Variants in IL23R observed in about 807,000 individuals in gnomAD.
The protein encoded by IL23R is interleukin 23 receptor.
Under a neutral mutation model 56.9 loss-of-function variants are expected in IL23R, and 34 were observed. The ratio of observed to expected loss-of-function variants is 0.60; its 90% confidence interval spans 0.45 to 0.80. The LOEUF (loss-of-function observed/expected upper bound fraction) is 0.80. Ranked by LOEUF, IL23R falls within the 30% of genes least tolerant of loss-of-function variation. The pLI is 0.00. For synonymous variants in IL23R, 230 were observed against 249.2 expected (o/e 0.92, Z 0.73); for missense variants, 635 against 730.0 (o/e 0.87, Z 1.50).
chr1:67,173,959 T>C (rs1335032031), intron 3 of IL23R, among the ~76,000 whole-genome samples: 5 of 152,182 alleles, frequency 3.3e-5, no homozygotes, highest in Non-Finnish European at 5.9e-5. Context: ...CTTCACTACA[T>C]ATACTTTTAA....
At chr1:67,185,565 C>A (rs1647278963) in intron 4 of IL23R, among the ~76,000 whole-genome samples, 2 of 152,118 alleles carry the variant, frequency 1.3e-5, no homozygotes, top group South Asian at 4.1e-4. Context: ...AGCCACCAAG[C>A]CTGATCTCTA....
At chr1:67,165,985 AG>A (rs1232302852), upstream of IL23R, among the ~76,000 whole-genome samples, 1 of 152,258 alleles carries the variant, frequency 6.6e-6, no homozygotes, top group African/African-American at 2.4e-5. Flanking sequence ...TAACTAAATA[AG>A]ATGAGAGATG....
At chr1:67,237,190 C>G (rs1651538678) in intron 8 of IL23R, among the ~76,000 whole-genome samples, 2 of 152,100 alleles carry the variant, frequency 1.3e-5, no homozygotes, top group South Asian at 4.2e-4. Context: ...TTACAGGCAT[C>G]CGCCATCACG....
At chr1:67,200,956 A>T in intron 5 of IL23R, 59 bp downstream of exon 5, 1 of 1,539,244 alleles carries the variant, frequency 6.5e-7, no homozygotes, top group Non-Finnish European at 9.0e-7. Flanking sequence ...TGACCTTGTC[A>T]AATGAGGTCT....
intron 1 of IL23R, among the ~76,000 whole-genome samples, chr1:67,157,152 T>C (rs1377379916): frequency 6.6e-6 from 1 of 152,190 alleles, no homozygotes; most frequent in African/African-American, 2.4e-5. Flanking sequence ...CCCAATGAGA[T>C]GAACTGGGTA....
At chr1:67,203,568 G>A (rs956482964) in intron 5 of IL23R, among the ~76,000 whole-genome samples, 4 of 151,750 alleles carry the variant, frequency 2.6e-5, no homozygotes, top group African/African-American at 7.3e-5. Flanking sequence ...CATTATCCCA[G>A]AATGTACTCA....
intron 9 of IL23R, among the ~76,000 whole-genome samples, chr1:67,243,104 G>A (rs1651959831): frequency 6.6e-6 from 1 of 152,130 alleles, no homozygotes; most frequent in African/African-American, 2.4e-5. Context: ...TAAGGACTCT[G>A]GAAGGATAAG....
intron 1 of IL23R, among the ~76,000 whole-genome samples, chr1:67,158,110 G>C (rs1646785906): frequency 6.6e-6 from 1 of 152,132 alleles, no homozygotes; most frequent in African/African-American, 2.4e-5. Context: ...CAGCTACCTG[G>C]GAGGCTGAGG....
intron 7 of IL23R, among the ~76,000 whole-genome samples, chr1:67,222,922 G>A (rs1406569018): frequency 2.0e-5 from 3 of 152,206 alleles, no homozygotes; most frequent in South Asian, 2.1e-4. Flanking sequence ...ACTTACTTAA[G>A]TATTCTAAGT....
At chr1:67,233,342 G>A (rs1263395591) in intron 7 of IL23R, among the ~76,000 whole-genome samples, 3 of 152,100 alleles carry the variant, frequency 2.0e-5, no homozygotes, top group African/African-American at 7.2e-5. Flanking sequence ...CTCCAGCCTG[G>A]GCAACAGAGG....
chr1:67,180,490 C>T (rs2112218), intron 3 of IL23R, among the ~76,000 whole-genome samples: 2 of 151,934 alleles, frequency 1.3e-5, no homozygotes, highest in South Asian at 4.2e-4. Context: ...TCCTCCATCC[C>T]TTTATTTTGA....
intron 7 of IL23R, among the ~76,000 whole-genome samples, chr1:67,232,961 A>G (rs2100295936): frequency 6.6e-6 from 1 of 152,150 alleles, no homozygotes; most frequent in East Asian, 1.9e-4. Flanking sequence ...CATGTAAGAC[A>G]TGCCTGTTTC....
chr1:67,259,319 T>C lies in IL23R; in HGVS notation c.*191T>C. On this transcript the variant is annotated 3_prime_UTR_variant, in exon 11 of 11. Transcript: ENST00000347310. ...GGATTGCTGGGCCATATGATAAGCA[T>C]ATGTTTCAGTTCTACCAATCTTGTT... 1 of 604,686 alleles carries C rather than the reference T, an allele frequency of 1.7e-6. No individual in the cohort carries two copies. Among genetic ancestry groups the C allele is most frequent in the Non-Finnish European group, 2.9e-6 (1 of 342,202 alleles). The allele number at this position is 604,686 out of a possible 1,614,324, so 37.5% of individuals were successfully genotyped here. A position where few individuals can be genotyped will look rare whatever the true frequency, so the allele number is the denominator to read the frequency against.
chr1:67,160,344 G>A (rs1246312004), intron 1 of IL23R, among the ~76,000 whole-genome samples: 1 of 152,214 alleles, frequency 6.6e-6, no homozygotes, highest in African/African-American at 2.4e-5. Context: ...GAATGCACTT[G>A]AAGTTTGGAG....
At chr1:67,215,522 T>C (rs1476422734) in intron 6 of IL23R, among the ~76,000 whole-genome samples, 2 of 152,174 alleles carry the variant, frequency 1.3e-5, no homozygotes, top group Non-Finnish European at 2.9e-5. Context: ...TATATCAGGC[T>C]TACCAATGTC....
chr1:67,224,561 A>G (rs1385586228), intron 7 of IL23R, among the ~76,000 whole-genome samples: 1 of 152,200 alleles, frequency 6.6e-6, no homozygotes, highest in African/African-American at 2.4e-5. Context: ...CGGCATTCTT[A>G]TTCTTTTCTG....
intron 9 of IL23R, among the ~76,000 whole-genome samples, chr1:67,248,681 G>A (rs1310424707): frequency 6.6e-6 from 1 of 152,088 alleles, no homozygotes; most frequent in African/African-American, 2.4e-5. Context: ...TCCTTTGGAG[G>A]GGAAGAGGCA....
intron 7 of IL23R, among the ~76,000 whole-genome samples, chr1:67,229,033 C>T (rs571048819): frequency 6.6e-6 from 1 of 152,320 alleles, no homozygotes; most frequent in Admixed American, 6.5e-5. Context: ...TTCTCCCCCT[C>T]AGCAACAAAT....
chr1:67,208,348 T>C (rs1268992459), intron 6 of IL23R, among the ~76,000 whole-genome samples: 3 of 152,160 alleles, frequency 2.0e-5, no homozygotes, highest in Non-Finnish European at 4.4e-5. Context: ...CCCTAGACCA[T>C]GGGGAAAATG....
Sources: allele counts gnomAD v4.1 joint callset (sites outside exome capture counted in the v4.1 genomes callset), GRCh38; gene constraint gnomAD v4.1.1; transcripts MANE v1.5; gene names NCBI Gene and HGNC (gene_info 2026-07-23, HGNC 2026-07-21).